The following FLT4 variants were observed in gnomAD, a reference collection of about 807,000 sequenced individuals.
FLT4 encodes the protein fms related receptor tyrosine kinase 4.
A neutral mutation model predicts 163.2 loss-of-function variants in FLT4; 30 were observed. That is an observed-to-expected ratio of 0.18 (90% confidence interval 0.14 to 0.25). The LOEUF is 0.25. Among genes scored for constraint, FLT4 ranks in the 10% least tolerant of loss-of-function variants. The probability of loss-of-function intolerance (pLI) is 1.00; values close to 1 mark genes in which losing one functional copy is unlikely to be tolerated. For missense variants in FLT4, 1,510 were observed against 1,863.8 expected (o/e 0.81, Z 3.50); for synonymous variants, 884 against 789.5 (o/e 1.12, Z -2.01).
At position 180,630,281 on chromosome 5, in the gene FLT4, C is replaced by A; in HGVS notation, c.457G>T (p.Ala153Ser). ...GACACCAGACAGGGCACCCACATGGCGTCCTTCCTGTTGACCAAGAGCGTG... is the reference window on the plus strand; with the variant it reads ...GACACCAGACAGGGCACCCACATGGAGTCCTTCCTGTTGACCAAGAGCGTG... ...PDTLLVNRKD[A>S]MWVPCLVSIP... is the part of the protein sequence containing the mutation. The change falls in exon 4 of 30, where the codon GCC becomes TCC. Residue 153 changes from alanine (A) to serine (S), a missense_variant. Physicochemically the swap from Ala to Ser is moderately conservative, Grantham distance 99. Transcript: ENST00000261937. The surrounding 1 kb of genome is among the most constrained non-coding windows in gnomAD (Gnocchi z 6.3). The A allele has an allele frequency of 6.2e-7, 1 of 1,612,592 alleles. No homozygotes were observed. Among genetic ancestry groups the A allele is most frequent in the Non-Finnish European group, 8.5e-7 (1 of 1,179,980 alleles).
chr5:180,629,780 TA>T lies in FLT4; in HGVS notation c.731del (p.Val244GlufsTer7). On this transcript the variant is annotated frameshift_variant, in exon 6 of 30. Coordinates refer to ENST00000261937, the MANE Select transcript of FLT4 (RefSeq NM_182925.5). LOFTEE classifies it high-confidence loss of function. ...LLPRKSLELL[V>X]GEKLVLNCTV... The stretch of plus-strand genomic sequence containing the variant: ...TGCAGTTCAGGACCAGCTTCTCCCC[TA>T]CCAGCAGCTCCAGCGACTTCCTGGG... 1 of 1,612,438 alleles carries T rather than the reference TA, an allele frequency of 6.2e-7. No homozygotes were observed. Among genetic ancestry groups the T allele is most frequent in the Non-Finnish European group, 8.5e-7 (1 of 1,179,832 alleles).
chr5:180,649,742 T>A (rs1765656651), upstream of FLT4: 1 of 175,864 alleles, frequency 5.7e-6, no homozygotes, highest in Admixed American at 6.3e-5. Flanking sequence ...ACCCGAGCAG[T>A]GCGCGCTCCG....
rs1458557842 is a variant in FLT4 at position 180,603,263 on chromosome 5, A to C, written c.4021T>G (p.Ser1341Ala). 2.5e-6 allele frequency: 4 copies of C among 1,614,164 alleles called. No individual in the cohort carries two copies. The South Asian group carries it at 4.4e-5, about 18-fold the overall frequency. Residue 1341 changes from serine (S) to alanine (A), a missense_variant, in exon 30 of 30, where the codon TCG (serine) becomes GCG (alanine). Physicochemically the swap from Ser to Ala is moderately conservative, Grantham distance 99. This residue lies in a region of FLT4 where 295 missense variants were observed against 311.0 expected (regional missense o/e 0.95). Coordinates refer to ENST00000261937, the MANE Select transcript of FLT4 (RefSeq NM_182925.5). ...VFYNSEYGEL[S>A]EPSEEDHCSP... ...CAGTGGTCCTCCTCGCTTGGCTCCG[A>C]CAGCTCCCCATACTCGCTGTTGTAA... is the stretch of plus-strand genomic sequence containing the variant.
At chr5:180,621,275 A>C (rs1229859190) in intron 13 of FLT4, 23 bp from the exon 14 acceptor site, 1 of 1,607,348 alleles carries the variant, frequency 6.2e-7, no homozygotes. Flanking sequence ...GTCGAGAGGG[A>C]GCTAAGTGGA....
chr5:180,617,037 C>T (rs567452864), intron 21 of FLT4, 43 bp from the exon 22 acceptor site: 39 of 1,410,888 alleles, frequency 2.8e-5, no homozygotes, highest in East Asian at 1.1e-4. Context: ...GCCTCCTCCG[C>T]GGCCTCCATC....
At chr5:180,648,524 G>A (rs1231305778) in intron 1 of FLT4, among the ~76,000 whole-genome samples, 2 of 152,066 alleles carry the variant, frequency 1.3e-5, no homozygotes, top group Non-Finnish European at 2.9e-5. Flanking sequence ...CTGACTTCAG[G>A]GCTTCAGACA....
At chr5:180,626,655 G>A (rs893330947) in intron 8 of FLT4, among the ~76,000 whole-genome samples, 2 of 152,208 alleles carry the variant, frequency 1.3e-5, no homozygotes, top group African/African-American at 4.8e-5. Flanking sequence ...GCCCAGGAGG[G>A]TCCCACACAC....
chr5:180,603,498 G>A (rs1761617116), intron 29 of FLT4, 108 bp from the exon 30 acceptor site: 1 of 996,334 alleles, frequency 1.0e-6, no homozygotes, highest in Non-Finnish European at 1.6e-6. Context: ...GATGGCTTCA[G>A]GCCAGGAGTT....
At chr5:180,622,665 A>G in intron 12 of FLT4, 66 bp downstream of exon 12, 2 of 978,910 alleles carry the variant, frequency 2.0e-6, no homozygotes, top group South Asian at 2.6e-5. Flanking sequence ...CAGAAACTCA[A>G]TGAGCCCAAA....
chr5:180,645,096 C>T (rs1290488651), intron 1 of FLT4, among the ~76,000 whole-genome samples: 3 of 152,224 alleles, frequency 2.0e-5, no homozygotes, highest in Non-Finnish European at 4.4e-5. Context: ...GCCGGTACCA[C>T]GAGCCCAAGA....
At chr5:180,618,446 C>T (rs1199958816) in intron 21 of FLT4, among the ~76,000 whole-genome samples, 3 of 151,266 alleles carry the variant, frequency 2.0e-5, no homozygotes, top group Non-Finnish European at 2.9e-5. Context: ...AGGACCCTCT[C>T]CTGCCCCTCA....
chr5:180,632,816 G>A (rs1273756127), intron 1 of FLT4, among the ~76,000 whole-genome samples: 1 of 152,194 alleles, frequency 6.6e-6, no homozygotes. Flanking sequence ...GGATCCCGGT[G>A]TGGGTGGGAG....
chr5:180,634,626 C>T (rs140492735), intron 1 of FLT4, among the ~76,000 whole-genome samples: 8,511 of 129,852 alleles, frequency 0.066, 362 homozygotes, highest in East Asian at 0.098. Context: ...AGCCGGGAGG[C>T]GGAGCTTGCA....
intron 1 of FLT4, among the ~76,000 whole-genome samples, chr5:180,642,080 G>A (rs1034129786): frequency 1.2e-4 from 18 of 152,116 alleles, no homozygotes; most frequent in Middle Eastern, 3.4e-3. Context: ...GGTGGCGGGC[G>A]CCTGCAGTCC....
At position 180,603,163 on chromosome 5, in the gene FLT4, C is replaced by G. The variant is rs370516958; in HGVS notation, c.*29G>C. ...GCCCGCCCTGCCGGGCCTGAACCCCCAAGTGCTGGGGGTCTTGTCCGATGC... is the reference window on the plus strand; with the variant it reads ...GCCCGCCCTGCCGGGCCTGAACCCCGAAGTGCTGGGGGTCTTGTCCGATGC... On this transcript the variant is annotated 3_prime_UTR_variant, in exon 30 of 30. Transcript: ENST00000261937. 1.6e-4 allele frequency: 256 copies of G among 1,612,038 alleles called. No individual in the cohort carries two copies. In the Middle Eastern group the frequency reaches 4.6e-3, roughly 29 times the overall value.
intron 18 of FLT4, 24 bp downstream of exon 18, chr5:180,619,639 GCC>G: frequency 6.4e-7 from 1 of 1,568,040 alleles, no homozygotes. Flanking sequence ...CAGCTAGGCT[GCC>G]CCTTCCGCCC....
intron 2 of FLT4, 101 bp downstream of exon 2, chr5:180,631,579 ACT>A (rs1314892868): frequency 9.6e-6 from 9 of 942,026 alleles, no homozygotes; most frequent in Non-Finnish European, 1.5e-5. Flanking sequence ...CTCTGCCCTG[ACT>A]CTGCCCTGGG....
chr5:180,613,442 C>T (rs1762366346), intron 24 of FLT4: 3 of 338,246 alleles, frequency 8.9e-6, no homozygotes, highest in Middle Eastern at 8.0e-4. Flanking sequence ...GCAGTTTCAA[C>T]AAAGCCTCTC....
rs1465682773 is a variant in FLT4, at chr5:180,620,767, C to G, written c.2300-52G>C. On this transcript the variant is annotated intron_variant, in intron 15 of 29. Transcript: ENST00000261937. The surrounding 1 kb of genome is among the most constrained non-coding windows in gnomAD (Gnocchi z 4.4). ...GTGTGTGTGTGTGTGTAAGAGCGTGCACCTGCAGGCAGCACCCCTTCTGGT... is the reference window on the plus strand; with the variant it reads ...GTGTGTGTGTGTGTGTAAGAGCGTGGACCTGCAGGCAGCACCCCTTCTGGT... The G allele has an allele frequency of 1.3e-6, 2 of 1,592,218 alleles. No homozygotes were observed. The highest frequency in any genetic ancestry group is 3.4e-5 in the Admixed American group (2 of 59,226).
Sources: allele counts gnomAD v4.1 joint callset (sites outside exome capture counted in the v4.1 genomes callset), GRCh38; gene constraint gnomAD v4.1.1; regional missense constraint gnomAD v4.1.1; non-coding constraint Gnocchi (gnomAD v3.1); transcripts MANE v1.5; gene names NCBI Gene and HGNC (gene_info 2026-07-23, HGNC 2026-07-21).